PRAMEF26: variants seen among roughly 807,000 people sequenced by gnomAD.
PRAMEF26 encodes PRAME family member 25.
chr1:13,154,756 A>T (rs1439826410), intron 1 of PRAMEF26: 73 of 2,638 alleles, frequency 0.028, no homozygotes, highest in African/African-American at 0.13. Flanking sequence ...CAGAGATGAC[A>T]GTTCCTAAGA....
intron 3 of PRAMEF26, chr1:13,150,223 C>T (rs1327885769): frequency 3.7e-5 from 7 of 188,162 alleles, no homozygotes; most frequent in African/African-American, 1.4e-4. Flanking sequence ...GAGCAGAGAT[C>T]ATGCCACTAC....
At chr1:13,155,817 T>C (rs1643001094) in intron 1 of PRAMEF26, 67 bp downstream of exon 1, 1 of 98,690 alleles carries the variant, frequency 1.0e-5, no homozygotes, top group East Asian at 2.6e-4. Context: ...TAGGCTGCAC[T>C]GTCACCATCC....
At chr1:13,155,215 TA>T (rs878932951) in intron 1 of PRAMEF26, 33,578 of 139,292 alleles carry the variant, frequency 0.24, 520 homozygotes, top group East Asian at 0.32. Flanking sequence ...CCCAGCTAAT[TA>T]AAAAAAAAAA....
intron 3 of PRAMEF26, chr1:13,150,348 C>G (rs1191671496): frequency 3.1e-5 from 4 of 128,390 alleles, no homozygotes; most frequent in East Asian, 5.6e-4. Flanking sequence ...ATCAAGTTCA[C>G]AGAATCCCTA....
chr1:13,155,651 G>C (rs1466066160), intron 1 of PRAMEF26: 1 of 84,532 alleles, frequency 1.2e-5, no homozygotes, highest in Non-Finnish European at 2.1e-5. Context: ...TTAAAGGCAT[G>C]AGTCACTGCT....
intron 1 of PRAMEF26, 178 bp downstream of exon 1, chr1:13,155,706 T>A (rs1642999995): frequency 1.1e-5 from 1 of 92,776 alleles, no homozygotes; most frequent in Admixed American, 9.8e-5. Flanking sequence ...CACAATCAAC[T>A]TTTTTGAAAT....
At chr1:13,155,762 G>T in intron 1 of PRAMEF26, 122 bp downstream of exon 1, 1 of 101,302 alleles carries the variant, frequency 9.9e-6, no homozygotes, top group East Asian at 2.5e-4. Context: ...GCTTCAAATT[G>T]TTCATATGAA....
intron 1 of PRAMEF26, chr1:13,155,271 C>A (rs1642995083): frequency 7.1e-6 from 1 of 140,776 alleles, no homozygotes; most frequent in Admixed American, 7.2e-5. Context: ...CTAATCCCAG[C>A]ATTTTGGGAG....
chr1:13,150,331 G>A, intron 3 of PRAMEF26: 1 of 150,938 alleles, frequency 6.6e-6, no homozygotes, highest in South Asian at 1.3e-4. Context: ...ATCATTTATA[G>A]GAATGGATCA....
intron 1 of PRAMEF26, chr1:13,155,166 C>A (rs1181499837): frequency 1.4e-5 from 2 of 144,242 alleles, no homozygotes; most frequent in African/African-American, 5.0e-5. Context: ...CCCACACCAG[C>A]CACCCAAATA....
intron 3 of PRAMEF26, chr1:13,150,362 C>G (rs1642969106): frequency 9.0e-6 from 1 of 111,570 alleles, no homozygotes; most frequent in Non-Finnish European, 1.9e-5. Flanking sequence ...ATCCCTAAAG[C>G]TCCCTTTCCT....
chr1:13,154,969 C>A (rs1342745534), intron 1 of PRAMEF26: 1 of 72,032 alleles, frequency 1.4e-5, no homozygotes, highest in African/African-American at 5.5e-5. Flanking sequence ...CATGCACCCC[C>A]ACACTCATGT....
chr1:13,155,349 G>A (rs1270638319), intron 1 of PRAMEF26: 13 of 110,220 alleles, frequency 1.2e-4, no homozygotes, highest in Admixed American at 6.4e-4. Context: ...TGAAACCCCC[G>A]CCCCTACTAA....
Position 13,149,388 on chromosome 1 carries a change from CAG to C in PRAMEF26, c.1284_1285del (p.Cys429LeufsTer8). 4.3e-6 allele frequency: 1 copy of C among 233,216 alleles called. No homozygotes were observed. The highest frequency in any genetic ancestry group is 2.8e-5 in the South Asian group (1 of 35,422). The allele number at this position is 233,216 out of a possible 1,614,324, so 14.4% of individuals were successfully genotyped here. ...CCTAATCTGAGTAAATCTGCTCCAG[CAG>C]AGAGTACCATCAGCACCATAACTCT... On this transcript the variant is annotated frameshift_variant, in exon 4 of 4. Transcript: ENST00000624207. LOFTEE classifies it high-confidence loss of function.
At chr1:13,155,170 C>A (rs1412799288) in intron 1 of PRAMEF26, 1 of 144,776 alleles carries the variant, frequency 6.9e-6, no homozygotes, top group Non-Finnish European at 1.6e-5. Flanking sequence ...CACCAGCCAC[C>A]CAAATAGCTG....
chr1:13,155,170 C>T (rs1412799288), intron 1 of PRAMEF26: 1 of 144,776 alleles, frequency 6.9e-6, no homozygotes, highest in African/African-American at 2.5e-5. Context: ...CACCAGCCAC[C>T]CAAATAGCTG....
At chr1:13,155,831 A>T (rs1180609693) in intron 1 of PRAMEF26, 53 bp downstream of exon 1, 2 of 97,016 alleles carry the variant, frequency 2.1e-5, no homozygotes, top group Non-Finnish European at 1.9e-5. Flanking sequence ...ACCATCCCAG[A>T]CCAGCTGACT....
chr1:13,150,533 C>T (rs1355556172), intron 3 of PRAMEF26: 6 of 50,126 alleles, frequency 1.2e-4, no homozygotes, highest in Admixed American at 2.7e-4. Context: ...CTATCACTTT[C>T]ACCATTCTTT....
intron 1 of PRAMEF26, 154 bp downstream of exon 1, chr1:13,155,730 T>C (rs1569597271): frequency 1.0e-5 from 1 of 96,192 alleles, no homozygotes; most frequent in Non-Finnish European, 1.9e-5. Context: ...GACAGAACTC[T>C]ATTTAGAGGA....
Sources: gnomAD v4.1 joint callset for allele counts on GRCh38, gnomAD v4.1.1 for gene constraint, MANE v1.5 for transcripts, NCBI Gene and HGNC (gene_info 2026-07-23, HGNC 2026-07-21) for gene names.